HS6ST3: variants seen among roughly 807,000 people sequenced by gnomAD.
HS6ST3 encodes the protein heparan-sulfate 6-O-sulfotransferase 3.
HS6ST3 carries 12 observed loss-of-function variants against 36.7 expected under a neutral mutation model. The ratio of observed to expected loss-of-function variants is 0.33; its 90% CI spans 0.21 to 0.53. The LOEUF (loss-of-function observed/expected upper bound fraction) is 0.53, where lower values mean the gene tolerates loss of function less well. HS6ST3 is among the 20% of genes least tolerant of loss of function. HS6ST3 has a pLI of 0.95. For missense variants in HS6ST3, 584 were observed against 640.9 expected, an observed-to-expected ratio of 0.91 and a Z score of 0.96; for synonymous variants, 240 against 257.5, an observed-to-expected ratio of 0.93 and a Z score of 0.65.
intron 1 of HS6ST3, among the ~76,000 whole-genome samples, chr13:96,473,533 T>C (rs1162911163): frequency 6.6e-6 from 1 of 152,206 alleles, no homozygotes; most frequent in Non-Finnish European, 1.5e-5. Flanking sequence ...CTGGCATCGC[T>C]ACCTCTTCTG....
At chr13:96,479,986 G>A (rs947186614) in intron 1 of HS6ST3, among the ~76,000 whole-genome samples, 3 of 152,090 alleles carry the variant, frequency 2.0e-5, no homozygotes, top group African/African-American at 7.2e-5. Context: ...GAACTAGTGG[G>A]CCCACTCAGT....
chr13:96,579,557 T>C (rs2056334132), intron 1 of HS6ST3, among the ~76,000 whole-genome samples: 1 of 151,448 alleles, frequency 6.6e-6, no homozygotes, highest in African/African-American at 2.4e-5. Context: ...AAACTTCTGT[T>C]GTGTTAAAAA....
At chr13:96,149,923 T>A (rs1392664523) in intron 1 of HS6ST3, among the ~76,000 whole-genome samples, 2 of 152,250 alleles carry the variant, frequency 1.3e-5, no homozygotes, top group Non-Finnish European at 2.9e-5. Flanking sequence ...CTAGCTTTAC[T>A]AGCAGTGAAA....
Position 96,454,596 on chromosome 13 carries a change from C to T in HS6ST3, c.707+363027C>T, listed in dbSNP as rs577608158. On this transcript the variant is annotated intron_variant, in intron 1 of 1. Coordinates refer to ENST00000376705, the MANE Select transcript of HS6ST3 (RefSeq NM_153456.4). ...GTGATGCTGTCTTCACTTGGAAGGG[C>T]GTTTGCTAAAGGAGCAGAGCTTTCT... 3.5e-4 allele frequency among the ~76,000 whole-genome samples: 53 copies of T among 151,870 alleles called. No individual in the cohort carries two copies. In the South Asian group the frequency reaches 0.01, roughly 30 times the overall value.
chr13:96,700,789 T>G (rs1033586898), intron 1 of HS6ST3, among the ~76,000 whole-genome samples: 1 of 152,176 alleles, frequency 6.6e-6, no homozygotes, highest in Non-Finnish European at 1.5e-5. Flanking sequence ...AAAAGGTCAT[T>G]TGCAAAATTG....
intron 1 of HS6ST3, among the ~76,000 whole-genome samples, chr13:96,487,844 T>C (rs933430431): frequency 1.3e-5 from 2 of 152,176 alleles, no homozygotes; most frequent in Admixed American, 6.6e-5. Context: ...GGCACATTGA[T>C]AATGTAATGC....
At chr13:96,366,033 T>A (rs1422362892) in intron 1 of HS6ST3, among the ~76,000 whole-genome samples, 2 of 152,204 alleles carry the variant, frequency 1.3e-5, no homozygotes, top group African/African-American at 4.8e-5. Flanking sequence ...TTTAAAATGA[T>A]CATATCTACT....
chr13:96,294,624 T>C (rs2054845791), intron 1 of HS6ST3, among the ~76,000 whole-genome samples: 1 of 152,066 alleles, frequency 6.6e-6, no homozygotes, highest in South Asian at 2.1e-4. Flanking sequence ...CAATATAGGT[T>C]GGTGAAGGAA....
intron 1 of HS6ST3, among the ~76,000 whole-genome samples, chr13:96,702,030 G>T (rs941082728): frequency 6.6e-6 from 1 of 152,196 alleles, no homozygotes; most frequent in African/African-American, 2.4e-5. Flanking sequence ...CAGATGTAAG[G>T]ACAGAGGCTG....
At chr13:96,377,672 A>G (rs2055321490) in intron 1 of HS6ST3, among the ~76,000 whole-genome samples, 1 of 152,222 alleles carries the variant, frequency 6.6e-6, no homozygotes, top group African/African-American at 2.4e-5. Context: ...GACTTAGGAT[A>G]CAGGTGCTGA....
At chr13:96,777,611 T>C (rs985178965) in intron 1 of HS6ST3, among the ~76,000 whole-genome samples, 1 of 152,238 alleles carries the variant, frequency 6.6e-6, no homozygotes. Flanking sequence ...GGAATACAAC[T>C]TACGGGGATG....
intron 1 of HS6ST3, among the ~76,000 whole-genome samples, chr13:96,203,073 G>A (rs1214362385): frequency 6.6e-6 from 1 of 152,030 alleles, no homozygotes; most frequent in Admixed American, 6.6e-5. Context: ...GTTACTTATG[G>A]CACCAGCGAT....
chr13:96,418,611 A>G (rs2055546458), intron 1 of HS6ST3, among the ~76,000 whole-genome samples: 2 of 152,118 alleles, frequency 1.3e-5, no homozygotes, highest in African/African-American at 4.8e-5. Context: ...GGTAGGTGCT[A>G]TAAGAGATGC....
chr13:96,122,916 T>C (rs866929622), intron 1 of HS6ST3, among the ~76,000 whole-genome samples: 1 of 152,050 alleles, frequency 6.6e-6, no homozygotes, highest in South Asian at 2.1e-4. Flanking sequence ...AGCTTTGGGT[T>C]TTGTCTGTAT....
chr13:96,205,598 T>C (rs2054366016), intron 1 of HS6ST3, among the ~76,000 whole-genome samples: 1 of 152,158 alleles, frequency 6.6e-6, no homozygotes, highest in South Asian at 2.1e-4. Flanking sequence ...ACAAATTGAA[T>C]TCAGCAGCAC....
chr13:96,397,339 C>G (rs867789343), intron 1 of HS6ST3, among the ~76,000 whole-genome samples: 3 of 152,112 alleles, frequency 2.0e-5, no homozygotes, highest in Non-Finnish European at 4.4e-5. Context: ...AATGTTATTA[C>G]TATATTATTA....
intron 1 of HS6ST3, among the ~76,000 whole-genome samples, chr13:96,259,947 A>G (rs2054655946): frequency 6.6e-6 from 1 of 151,802 alleles, no homozygotes; most frequent in Non-Finnish European, 1.5e-5. Context: ...ATGTAGCAAT[A>G]TTTTTCATAA....
At chr13:96,344,886 A>G (rs1320579565) in intron 1 of HS6ST3, among the ~76,000 whole-genome samples, 1 of 152,204 alleles carries the variant, frequency 6.6e-6, no homozygotes, top group Non-Finnish European at 1.5e-5. Flanking sequence ...ATGATCTTGT[A>G]GCTTTCTCTC....
intron 1 of HS6ST3, among the ~76,000 whole-genome samples, chr13:96,570,788 G>A (rs2056298516): frequency 6.6e-6 from 1 of 152,204 alleles, no homozygotes; most frequent in Non-Finnish European, 1.5e-5. Context: ...ATAATCTAAT[G>A]CGTGAACTAG....
Sources: gnomAD v4.1 joint callset for allele counts (sites outside exome capture counted in the v4.1 genomes callset) on GRCh38, gnomAD v4.1.1 for gene constraint, MANE v1.5 for transcripts, NCBI Gene and HGNC (gene_info 2026-07-23, HGNC 2026-07-21) for gene names.